ANXA4: variants seen among roughly 807,000 people sequenced by gnomAD.
The protein encoded by ANXA4 is 35-beta calcimedin.
ANXA4 carries 39 observed loss-of-function variants against 49.8 expected under a neutral mutation model. That is an observed-to-expected ratio of 0.78 (90% CI 0.61 to 1.02). ANXA4 has a LOEUF of 1.02. Among genes scored for constraint, ANXA4 ranks in the 50% least tolerant of loss-of-function variants. ANXA4 has a pLI of 0.00. For missense variants in ANXA4, 360 were observed against 410.1 expected (o/e 0.88, Z 1.05); for synonymous variants, 134 against 152.5 (o/e 0.88, Z 0.89).
At chr2:69,685,384 CAG>C (rs1677752050) in intron 2 of ANXA4, among the ~76,000 whole-genome samples, 1 of 151,920 alleles carries the variant, frequency 6.6e-6, no homozygotes, top group African/African-American at 2.4e-5. Flanking sequence ...TTGGACAAGA[CAG>C]AGAGATATAA....
intron 2 of ANXA4, among the ~76,000 whole-genome samples, chr2:69,665,804 G>T (rs909969982): frequency 6.6e-6 from 1 of 152,144 alleles, no homozygotes; most frequent in African/African-American, 2.4e-5. Flanking sequence ...ACAACCCACA[G>T]AATGGGGGAA....
In ANXA4 at chr2:69,743,224, A is replaced by AT. The variant is rs548003249; in HGVS notation, c.-47+1060dup. 3.6e-3 allele frequency among the ~76,000 whole-genome samples: 526 copies of AT among 146,264 alleles called. 6 individuals carry two copies. Among genetic ancestry groups the AT allele is most frequent in the Middle Eastern group, 0.011 (3 of 284 alleles). ...AACTCTATTGATAACCAAACCCTAG[A>AT]TTTTTTTTTTTGAGATGGAGTCTTG... is the stretch of plus-strand genomic sequence containing the variant. On this transcript the variant is annotated intron_variant, in intron 1 of 12. Coordinates refer to ENST00000394295, the MANE Select transcript of ANXA4 (RefSeq NM_001153.5).
At chr2:69,668,632 C>A (rs1461321496) in intron 2 of ANXA4, among the ~76,000 whole-genome samples, 1 of 152,036 alleles carries the variant, frequency 6.6e-6, no homozygotes, top group Non-Finnish European at 1.5e-5. Context: ...TAATTTAGAA[C>A]CGTCATTTCA....
At chr2:69,770,735 A>G (rs1671673058) in intron 1 of ANXA4, among the ~76,000 whole-genome samples, 2 of 152,150 alleles carry the variant, frequency 1.3e-5, no homozygotes, top group African/African-American at 4.8e-5. Context: ...ACACACATGC[A>G]AACACACACG....
intron 2 of ANXA4, among the ~76,000 whole-genome samples, chr2:69,656,794 C>T (rs1676517640): frequency 6.6e-6 from 1 of 151,844 alleles, no homozygotes; most frequent in Non-Finnish European, 1.5e-5. Flanking sequence ...AGGTGATCTG[C>T]CTGCCTCAGT....
intron 1 of ANXA4, among the ~76,000 whole-genome samples, chr2:69,768,751 G>A (rs1559166592): frequency 6.6e-6 from 1 of 152,150 alleles, no homozygotes; most frequent in Non-Finnish European, 1.5e-5. Context: ...CTGGACTGAG[G>A]GGAGGGAAAT....
chr2:69,662,583 T>C (rs370902252), intron 2 of ANXA4, among the ~76,000 whole-genome samples: 109 of 152,294 alleles, frequency 7.2e-4, no homozygotes, highest in African/African-American at 2.2e-3. Flanking sequence ...GTATTCTTCC[T>C]GCTTGGCTCC....
At chr2:69,795,632 T>C (rs373851249) in intron 3 of ANXA4, among the ~76,000 whole-genome samples, 6 of 152,136 alleles carry the variant, frequency 3.9e-5, no homozygotes, top group African/African-American at 1.4e-4. Flanking sequence ...AGAAGTGGGA[T>C]TTTTAAGGCG....
intron 1 of ANXA4, among the ~76,000 whole-genome samples, chr2:69,772,931 C>T (rs556169262): frequency 6.6e-6 from 1 of 152,034 alleles, no homozygotes; most frequent in East Asian, 1.9e-4. Flanking sequence ...GCAGGAGAAT[C>T]ACTTGAACCC....
chr2:69,759,271 A>G (rs1247350882), intron 1 of ANXA4, among the ~76,000 whole-genome samples: 1 of 152,222 alleles, frequency 6.6e-6, no homozygotes, highest in Non-Finnish European at 1.5e-5. Flanking sequence ...TGTATAAAAT[A>G]TAGAAAATTA....
intron 3 of ANXA4, among the ~76,000 whole-genome samples, chr2:69,789,931 AG>A (rs1451890910): frequency 1.3e-5 from 2 of 152,126 alleles, no homozygotes; most frequent in Non-Finnish European, 2.9e-5. Context: ...CTGCGCCTAA[AG>A]GGAAGGAATA....
chr2:69,804,485 A>T, intron 3 of ANXA4, 48 bp from the exon 4 acceptor site: 1 of 1,534,830 alleles, frequency 6.5e-7, no homozygotes, highest in Non-Finnish European at 9.0e-7. Flanking sequence ...CTGCTTTCTC[A>T]TTCCTCTCTC....
intron 1 of ANXA4, among the ~76,000 whole-genome samples, chr2:69,649,106 G>C (rs1166129378): frequency 6.6e-6 from 1 of 151,796 alleles, no homozygotes; most frequent in Admixed American, 6.6e-5. Flanking sequence ...GGCTGGTCTC[G>C]AGCTCTCAAC....
At chr2:69,675,218 G>T (rs116658302) in intron 2 of ANXA4, among the ~76,000 whole-genome samples, 8 of 152,040 alleles carry the variant, frequency 5.3e-5, no homozygotes, top group Admixed American at 6.6e-5. Flanking sequence ...CACCGCGCCC[G>T]GCCCAAACTG....
intron 12 of ANXA4, among the ~76,000 whole-genome samples, chr2:69,825,090 ACCAC>A (rs1558530375): frequency 1.5e-5 from 2 of 131,050 alleles, no homozygotes; most frequent in African/African-American, 3.0e-5. Flanking sequence ...AAAAAAAAAA[ACCAC>A]AAACAAAAAT....
chr2:69,818,432 A>G (rs1674093569), intron 9 of ANXA4, 167 bp from the exon 10 acceptor site: 7 of 421,184 alleles, frequency 1.7e-5, no homozygotes, highest in Non-Finnish European at 2.6e-5. Context: ...GGCCCATTCC[A>G]CTCTGCACAT....
chr2:69,767,616 G>A (rs137973903), intron 1 of ANXA4, among the ~76,000 whole-genome samples: 48 of 152,312 alleles, frequency 3.2e-4, no homozygotes, highest in African/African-American at 9.6e-4. Flanking sequence ...GAATTAGAGC[G>A]TGTGGGGATT....
chr2:69,768,038 T>C (rs1250059269), intron 1 of ANXA4, among the ~76,000 whole-genome samples: 1 of 152,198 alleles, frequency 6.6e-6, no homozygotes, highest in East Asian at 1.9e-4. Flanking sequence ...TATATGCGAG[T>C]ATATATTATA....
chr2:69,685,390 G>A (rs926903486), intron 2 of ANXA4, among the ~76,000 whole-genome samples: 1 of 152,122 alleles, frequency 6.6e-6, no homozygotes, highest in Non-Finnish European at 1.5e-5. Flanking sequence ...AAGACAGAGA[G>A]ATATAAACTG....
Sources: allele counts gnomAD v4.1 joint callset (sites outside exome capture counted in the v4.1 genomes callset), GRCh38; gene constraint gnomAD v4.1.1; transcripts MANE v1.5; gene names NCBI Gene and HGNC (gene_info 2026-07-23, HGNC 2026-07-21).